Variants in SPARC observed in about 807,000 individuals in gnomAD.
SPARC encodes secreted protein acidic and cysteine rich, also known as basement-membrane protein 40.
In SPARC, 23 loss-of-function variants were observed where a neutral mutation model predicts 37.7. The ratio of observed to expected loss-of-function variants is 0.61; its 90% CI spans 0.44 to 0.87. The LOEUF is 0.87. SPARC is among the 40% of genes least tolerant of loss of function. The probability of loss-of-function intolerance (pLI) is 0.00; values close to 1 mark genes in which losing one functional copy is unlikely to be tolerated. For synonymous variants in SPARC, 155 were observed against 150.8 expected, an observed-to-expected ratio of 1.03 and a Z score of -0.20; for missense variants, 312 against 389.0, an observed-to-expected ratio of 0.80 and a Z score of 1.66.
chr5:151,669,706 T>C lies in SPARC; in HGVS notation c.409A>G (p.Lys137Glu). The C allele has an allele frequency of 1.2e-6, 2 of 1,614,188 alleles. No individual in the cohort carries two copies. The highest frequency in any genetic ancestry group is 1.7e-6 in the Non-Finnish European group (2 of 1,180,026). Residue 137 changes from lysine (K) to glutamate (E), a missense_variant, in exon 6 of 10, where the codon AAG becomes GAG. Physicochemically the swap from Lys to Glu is moderately conservative, Grantham distance 56. Transcript: ENST00000231061. The stretch of plus-strand genomic sequence containing the variant: ...TAGTCCAGGTGGAGCTTGTGGCCCT[T>C]CTTGGTGCCCTCCAGGGTGCACTTT... ...ATKCTLEGTK[K>E]GHKLHLDYIG... is the part of the protein sequence containing the mutation.
At chr5:151,669,996 T>C (rs1164776385) in intron 5 of SPARC, among the ~76,000 whole-genome samples, 9 of 152,118 alleles carry the variant, frequency 5.9e-5, no homozygotes, top group Non-Finnish European at 1.5e-5. Context: ...GAGCCATCGA[T>C]GGTCTCTGAG....
chr5:151,670,656 CAG>C (rs1760728557), intron 5 of SPARC, among the ~76,000 whole-genome samples: 1 of 152,102 alleles, frequency 6.6e-6, no homozygotes, highest in African/African-American at 2.4e-5. Flanking sequence ...GGTGGCCAAG[CAG>C]AGATGTTGAG....
chr5:151,669,356 A>C (rs1390191553), intron 6 of SPARC, among the ~76,000 whole-genome samples: 1 of 152,208 alleles, frequency 6.6e-6, no homozygotes, highest in Non-Finnish European at 1.5e-5. Context: ...GCCTGAGAGA[A>C]GAAATTCTTC....
In SPARC at chr5:151,667,635, C is replaced by G. The variant is rs765591949; in HGVS notation, c.452-35G>C. The G allele has an allele frequency of 4.4e-6, 7 of 1,608,614 alleles. No individual in the cohort carries two copies. In the Admixed American group the frequency reaches 1.0e-4, roughly 23 times the overall value. The stretch of plus-strand genomic sequence containing the variant: ...AAACACAAGGGCGGTCAGCACAGAC[C>G]CTGCCTGGGCCGTGCTCCCCACCCC... On this transcript the variant is annotated intron_variant, in intron 6 of 9. Coordinates refer to ENST00000231061, the MANE Select transcript of SPARC (RefSeq NM_003118.4).
chr5:151,671,528 G>A lies in SPARC; in HGVS notation c.330+45C>T, dbSNP rs754763131. On this transcript the variant is annotated intron_variant, in intron 5 of 9. Coordinates refer to ENST00000231061, the MANE Select transcript of SPARC (RefSeq NM_003118.4). The stretch of plus-strand genomic sequence containing the variant: ...TTCCTGAGCAGACATCCTGTATTCC[G>A]AAGTGCCCAATCCCTTCCCCCTGCC... The A allele has an allele frequency of 2.5e-5, 38 of 1,514,276 alleles. No individual in the cohort carries two copies. The Admixed American group carries it at 5.5e-4, about 22-fold the overall frequency. The allele number at this position is 1,514,276 out of a possible 1,614,324, so 93.8% of individuals were successfully genotyped here.
intron 3 of SPARC, 96 bp from the exon 4 acceptor site, chr5:151,673,312 G>A (rs764177718): frequency 2.0e-5 from 17 of 846,608 alleles, no homozygotes; most frequent in South Asian, 6.8e-5. Flanking sequence ...AAGCACAAAC[G>A]CAGGGTTGGG....
rs115646980 is a variant in SPARC, at chr5:151,682,231, G to A, written c.-14+4634C>T. Among the ~76,000 whole-genome samples, 788 of 152,322 alleles carry A rather than the reference G, an allele frequency of 5.2e-3. 1 individual carries two copies. The highest frequency in any genetic ancestry group is 8.1e-3 in the Non-Finnish European group (553 of 68,024). ...ACTGGAGAGCTTCTGGGGCAACTCA[G>A]AGGTGGCTCCAGAGTTTGGGGCTGG... On this transcript the variant is annotated intron_variant, in intron 1 of 9. Transcript: ENST00000231061.
chr5:151,686,470 T>A (rs899061461), intron 1 of SPARC: 84 of 152,090 alleles, frequency 5.5e-4, no homozygotes, highest in African/African-American at 2.0e-3. Flanking sequence ...GCTGGCCAGG[T>A]CCCTGTGGCA....
intron 1 of SPARC, among the ~76,000 whole-genome samples, chr5:151,680,546 A>G (rs1056745315): frequency 6.6e-6 from 1 of 152,068 alleles, no homozygotes; most frequent in Admixed American, 6.6e-5. Context: ...ATTTTAATCA[A>G]CTTAAATCTA....
rs191051557 is a variant in SPARC, at chr5:151,670,583, C to T, written c.331-799G>A. The stretch of plus-strand genomic sequence containing the variant: ...ATCCTGAATATGTCGCTGTACTAAA[C>T]CTTAGGTGTGAGTACAACTGTATGC... On this transcript the variant is annotated intron_variant, in intron 5 of 9. Transcript: ENST00000231061. 2.6e-4 allele frequency among the ~76,000 whole-genome samples: 39 copies of T among 152,214 alleles called. No homozygotes were observed. In the East Asian group the frequency reaches 5.0e-3, roughly 20 times the overall value.
At chr5:151,681,630 G>C (rs1054778594) in intron 1 of SPARC, among the ~76,000 whole-genome samples, 1 of 152,226 alleles carries the variant, frequency 6.6e-6, no homozygotes, top group Non-Finnish European at 1.5e-5. Flanking sequence ...AATGGCTCAC[G>C]CCTGTAATCC....
At position 151,672,651 on chromosome 5, in the gene SPARC, T is replaced by C. The variant is rs568688364; in HGVS notation, c.208+478A>G. On this transcript the variant is annotated intron_variant, in intron 4 of 9. Coordinates refer to ENST00000231061, the MANE Select transcript of SPARC (RefSeq NM_003118.4). Reference sequence around the variant, plus strand: ...CGCATGGATAGCATGGTACGGATTATGTCAGGTTGCATTTCCTCAGGACCT... The same window carrying C: ...CGCATGGATAGCATGGTACGGATTACGTCAGGTTGCATTTCCTCAGGACCT... The C allele has an allele frequency of 4.4e-4, 75 of 171,048 alleles. 2 individuals carry two copies. The South Asian group carries it at 8.3e-3, about 19-fold the overall frequency. The allele number at this position is 171,048 out of a possible 1,614,324, so 10.6% of individuals were successfully genotyped here. A position where few individuals can be genotyped will look rare whatever the true frequency, so the allele number is the denominator to read the frequency against.
intron 1 of SPARC, among the ~76,000 whole-genome samples, chr5:151,681,891 C>A (rs145913034): frequency 1.1e-3 from 166 of 152,264 alleles, no homozygotes; most frequent in African/African-American, 3.9e-3. Context: ...GAAACTCCCT[C>A]TCAAAAAAAT....
chr5:151,664,167 C>T lies in SPARC; in HGVS notation c.803G>A (p.Arg268His), dbSNP rs142717464. ...PLIPMEHCTTRFFETCDLDND... is the reference protein window; with the variant it reads ...PLIPMEHCTTHFFETCDLDND... ...GTCCAGGTCACAGGTCTCGAAAAAG[C>T]GGGTGGTGCAATGCTCCATGGGGAT... Residue 268 changes from arginine to histidine, a missense_variant, in exon 9 of 10, where the codon CGC (arginine) becomes CAC (histidine). Arg to His is a conservative substitution (Grantham distance 29). Coordinates refer to ENST00000231061, the MANE Select transcript of SPARC (RefSeq NM_003118.4). 212 of 1,614,020 alleles carry T rather than the reference C, an allele frequency of 1.3e-4. 3 individuals are homozygous for T. The South Asian group carries it at 1.6e-3, about 12-fold the overall frequency.
At chr5:151,673,924 C>A (rs1429535472) in intron 3 of SPARC, among the ~76,000 whole-genome samples, 4 of 151,682 alleles carry the variant, frequency 2.6e-5, no homozygotes, top group African/African-American at 9.7e-5. Flanking sequence ...GGGTGTCAAG[C>A]CTCCACCCCT....
At chr5:151,674,737 TG>T in intron 2 of SPARC, 63 bp from the exon 3 acceptor site, 13 of 1,539,604 alleles carry the variant, frequency 8.4e-6, no homozygotes, top group Non-Finnish European at 1.2e-5. Flanking sequence ...ACCTCCAAAG[TG>T]CCTGTGGCCT....
rs760561885 is a variant in SPARC, at chr5:151,666,342, C to T, written c.734+19G>A. 1.9e-6 allele frequency: 3 copies of T among 1,611,182 alleles called. No individual in the cohort carries two copies. In the South Asian group the frequency reaches 3.3e-5, roughly 18 times the overall value. On this transcript the variant is annotated intron_variant, in intron 8 of 9. Transcript: ENST00000231061. ...CTGCCAGCCTTGAGCTCTGTTCACT[C>T]TAGGGTCTGGGGTCTTACCCGTCAA...
intron 9 of SPARC, among the ~76,000 whole-genome samples, chr5:151,663,844 A>G (rs1359361706): frequency 6.6e-6 from 1 of 152,206 alleles, no homozygotes; most frequent in Non-Finnish European, 1.5e-5. Flanking sequence ...TTCCCAAAAT[A>G]GTGTTTAGCA....
chr5:151,663,741 G>T, intron 9 of SPARC, 142 bp from the exon 10 acceptor site: 1 of 767,368 alleles, frequency 1.3e-6, no homozygotes, highest in Non-Finnish European at 2.2e-6. Flanking sequence ...GTCAGTGACG[G>T]AGGAATCTCG....
Sources: allele counts gnomAD v4.1 joint callset (sites outside exome capture counted in the v4.1 genomes callset), GRCh38; gene constraint gnomAD v4.1.1; transcripts MANE v1.5; gene names NCBI Gene and HGNC (gene_info 2026-07-23, HGNC 2026-07-21).